TRPM4: variants seen among roughly 807,000 people sequenced by gnomAD.
The protein encoded by TRPM4 is transient receptor potential cation channel subfamily M member 4.
In TRPM4, 124 loss-of-function variants were observed where a neutral mutation model predicts 135.6. That is an observed-to-expected ratio of 0.91 (90% confidence interval 0.79 to 1.06). TRPM4 has a LOEUF of 1.06. Ranked by LOEUF, TRPM4 falls within the 50% of genes least tolerant of loss-of-function variation. The pLI is 0.00. For missense variants in TRPM4, 1,658 were observed against 1,671.4 expected (o/e 0.99, Z 0.14); for synonymous variants, 745 against 705.6 (o/e 1.06, Z -0.88).
At chr19:49,175,032 T>C (rs1967623513) in intron 9 of TRPM4, among the ~76,000 whole-genome samples, 1 of 147,220 alleles carries the variant, frequency 6.8e-6, no homozygotes, top group Non-Finnish European at 1.5e-5. Flanking sequence ...GCCCCACAAG[T>C]AGCTGGGACC....
chr19:49,196,545 G>C lies in TRPM4; in HGVS notation c.2316G>C (p.Trp772Cys). 2 of 1,555,484 alleles carry C rather than the reference G, an allele frequency of 1.3e-6. No homozygotes were observed. Among genetic ancestry groups the C allele is most frequent in the Non-Finnish European group, 1.7e-6 (2 of 1,153,602 alleles). The change falls in exon 17 of 25, where the codon TGG becomes TGC. Residue 772 changes from tryptophan to cysteine, a missense_variant. Transcript: ENST00000252826. The part of the protein sequence containing the change: ...RCGGRRCLRR[W>C]FHFWGAPVTI... The stretch of plus-strand genomic sequence containing the variant: ...GGGGGCGCCGGTGCCTACGCCGCTG[G>C]TTCCACTTCTGGGGCGCGCCGGTGA...
chr19:49,171,426 GGCCCGGAT>G lies in TRPM4; in HGVS notation c.858+17_858+24del, dbSNP rs1181516849. The G allele has an allele frequency of 2.5e-6, 4 of 1,613,996 alleles. No homozygotes were observed. In the East Asian group the frequency reaches 8.9e-5, roughly 36 times the overall value. ...GATGAGAAGATGTTGACGGTATAGG[GGCCCGGAT>G]GCCCGGATCTAAGGGGGAAGGAGGG... is the stretch of plus-strand genomic sequence containing the variant. On this transcript the variant is annotated intron_variant, in intron 7 of 24. Coordinates refer to ENST00000252826, the MANE Select transcript of TRPM4 (RefSeq NM_017636.4). The surrounding 1 kb of genome is among the most constrained non-coding windows in gnomAD (Gnocchi z 4.7).
At chr19:49,194,587 C>CTTCCT (rs1292697182) in intron 16 of TRPM4, among the ~76,000 whole-genome samples, 1 of 150,820 alleles carries the variant, frequency 6.6e-6, no homozygotes, top group African/African-American at 2.4e-5. Context: ...TCTTTCCTTC[C>CTTCCT]TTCCTTTCCT....
Position 49,166,116 on chromosome 19 carries a change from C to T in TRPM4, c.168C>T (p.Ala56=), listed in dbSNP as rs371192886. 40 of 1,603,654 alleles carry T rather than the reference C, an allele frequency of 2.5e-5. No homozygotes were observed. The highest frequency in any genetic ancestry group is 2.3e-4 in the East Asian group (10 of 44,416). ...AVAMEDAFGA[A]VVTVWDSDAH... The stretch of plus-strand genomic sequence containing the variant: ...CCATGGAGGATGCCTTCGGGGCAGC[C>T]GTGGTGACCGTGTGGGACAGCGATG... Residue 56 remains alanine (A), a synonymous_variant, in exon 3 of 25, where the codon GCC becomes GCT. Coordinates refer to ENST00000252826, the MANE Select transcript of TRPM4 (RefSeq NM_017636.4).
Position 49,211,227 on chromosome 19 carries a change from C to T in TRPM4, c.3598C>T (p.Pro1200Ser), listed in dbSNP as rs907022968. The change falls in exon 24 of 25, where the codon CCC becomes TCC. Residue 1200 changes from proline (P) to serine (S), a missense_variant. By Grantham distance (74) the Pro-to-Ser change is moderately conservative. Around this residue, in one of 3 missense-constraint regions of TRPM4, gnomAD observed 1,412 missense variants for 1,408.7 expected, o/e 1.00. Coordinates refer to ENST00000252826, the MANE Select transcript of TRPM4 (RefSeq NM_017636.4). This position sits in a 1 kb window ranked among gnomAD's most constrained non-coding sequence, Gnocchi z 4.8. Reference sequence around the variant, plus strand: ...GGCCCTGAGCCGCTCTGCCTTGCTGCCCCCAGGTGGGCCGCCACCCCCTGA... The same window carrying T: ...GGCCCTGAGCCGCTCTGCCTTGCTGTCCCCAGGTGGGCCGCCACCCCCTGA... The part of the protein sequence containing the change: ...AEALSRSALL[P>S]PGGPPPPDLP... 1 of 1,595,336 alleles carries T rather than the reference C, an allele frequency of 6.3e-7. No homozygotes were observed. The highest frequency in any genetic ancestry group is 8.5e-7 in the Non-Finnish European group (1 of 1,171,646).
At chr19:49,190,603 T>C (rs978736431) in intron 15 of TRPM4, 93 bp from the exon 16 acceptor site, 1 of 1,309,724 alleles carries the variant, frequency 7.6e-7, no homozygotes, top group African/African-American at 1.4e-5. Context: ...CCCTCTGCCA[T>C]GTCTCCGGGT....
chr19:49,160,483 C>CAA (rs555159944), intron 2 of TRPM4, among the ~76,000 whole-genome samples: 19 of 67,818 alleles, frequency 2.8e-4, no homozygotes, highest in Admixed American at 6.9e-4. Flanking sequence ...GACTCCATCT[C>CAA]AAAAAAAAAA....
chr19:49,203,800 G>A (rs1017906194), intron 20 of TRPM4, among the ~76,000 whole-genome samples: 13 of 152,142 alleles, frequency 8.5e-5, no homozygotes, highest in East Asian at 1.9e-4. Context: ...CATTCATTCC[G>A]TTTTATGAAT....
At chr19:49,175,015 C>T (rs1314415176) in intron 9 of TRPM4, among the ~76,000 whole-genome samples, 2 of 149,466 alleles carry the variant, frequency 1.3e-5, no homozygotes, top group East Asian at 3.9e-4. Flanking sequence ...GAGATCCTCT[C>T]ACCTCAGCCC....
chr19:49,199,513 C>A lies in TRPM4; in HGVS notation c.2646-787C>A, dbSNP rs143752834. 9.0e-3 allele frequency among the ~76,000 whole-genome samples: 1,368 copies of A among 152,290 alleles called. 18 individuals carry two copies. Among genetic ancestry groups the A allele is most frequent in the African/African-American group, 0.03 (1,251 of 41,552 alleles). ...TGACCCCGTGATCCGCCCGCCTCGGCCTCCCAAAGTGCTAGGATTACAGGC... is the reference window on the plus strand; with the variant it reads ...TGACCCCGTGATCCGCCCGCCTCGGACTCCCAAAGTGCTAGGATTACAGGC... On this transcript the variant is annotated intron_variant, in intron 17 of 24. Transcript: ENST00000252826.
chr19:49,167,817 C>A (rs1237090406), intron 3 of TRPM4, 100 bp from the exon 4 acceptor site: 16 of 925,378 alleles, frequency 1.7e-5, no homozygotes, highest in Non-Finnish European at 2.6e-5. Context: ...TCTCTGTCCC[C>A]GTCTCTCTGG....
intron 12 of TRPM4, among the ~76,000 whole-genome samples, chr19:49,185,107 G>A (rs12609634): frequency 0.18 from 27,117 of 151,606 alleles, 3,074 homozygotes; most frequent in South Asian, 0.31. Context: ...TTAGCTCTTC[G>A]AGCATATTTA....
intron 10 of TRPM4, 142 bp from the exon 11 acceptor site, chr19:49,182,436 T>TC (rs1968003954): frequency 3.1e-6 from 2 of 637,916 alleles, no homozygotes; most frequent in African/African-American, 5.5e-5. Context: ...ACCTATCCAT[T>TC]CATCCATCCA....
intron 2 of TRPM4, chr19:49,158,583 G>C: frequency 3.1e-6 from 1 of 326,562 alleles, no homozygotes; most frequent in South Asian, 4.2e-5. Flanking sequence ...GGGTATTTCT[G>C]TTTCATTCAT....
At chr19:49,159,933 C>T (rs1490980861) in intron 2 of TRPM4, 1 of 152,172 alleles carries the variant, frequency 6.6e-6, no homozygotes, top group Non-Finnish European at 1.5e-5. Context: ...CGTGAGTGCT[C>T]AAAACCTTTT....
chr19:49,158,147 G>A, intron 1 of TRPM4, 45 bp from the exon 2 acceptor site: 1 of 1,569,366 alleles, frequency 6.4e-7, no homozygotes, highest in Non-Finnish European at 8.8e-7. Flanking sequence ...AGAACTGGGT[G>A]CCCTCTCACC....
chr19:49,187,588 ATCC>A (rs1330004567), intron 12 of TRPM4, among the ~76,000 whole-genome samples: 2 of 152,110 alleles, frequency 1.3e-5, no homozygotes, highest in African/African-American at 2.4e-5. Context: ...GGCTCAAGCA[ATCC>A]TCCTCATTTG....
At position 49,168,639 on chromosome 19, in the gene TRPM4, C is replaced by T. The variant is rs71352734; in HGVS notation, c.699C>T (p.Phe233=). Residue 233 remains phenylalanine, a synonymous_variant, in exon 6 of 25, where the codon TTC becomes TTT. Coordinates refer to ENST00000252826, the MANE Select transcript of TRPM4 (RefSeq NM_017636.4). The part of the protein sequence containing the change: ...FPLDYNYSAF[F]LVDDGTHGCL... The stretch of plus-strand genomic sequence containing the variant: ...TGGACTACAACTACTCGGCCTTCTT[C>T]CTGGTGGACGACGGCACACACGGCT... The T allele has an allele frequency of 8.7e-6, 14 of 1,613,630 alleles. No individual in the cohort carries two copies. The highest frequency in any genetic ancestry group is 1.1e-5 in the Non-Finnish European group (13 of 1,179,980).
chr19:49,206,688 C>T (rs994243928), intron 20 of TRPM4, among the ~76,000 whole-genome samples: 2 of 152,204 alleles, frequency 1.3e-5, no homozygotes, highest in African/African-American at 4.8e-5. Context: ...ATCCACCCGC[C>T]TTGGCCTCCC....
Sources: gnomAD v4.1 joint callset for allele counts (sites outside exome capture counted in the v4.1 genomes callset) on GRCh38, gnomAD v4.1.1 for gene constraint, gnomAD v4.1.1 regional missense constraint, Gnocchi (gnomAD v3.1) non-coding constraint, MANE v1.5 for transcripts, NCBI Gene and HGNC (gene_info 2026-07-23, HGNC 2026-07-21) for gene names.